Variants in ULK4 observed in about 807,000 individuals in gnomAD.
ULK4 encodes inactive serine/threonine-protein kinase ULK4.
Under a neutral mutation model 160.6 loss-of-function variants are expected in ULK4, and 133 were observed. The observed-to-expected ratio is 0.83, with a 90% confidence interval of 0.72 to 0.96. The LOEUF (loss-of-function observed/expected upper bound fraction) is 0.96. Among genes scored for constraint, ULK4 ranks in the 40% least tolerant of loss-of-function variants. The pLI is 0.00. For synonymous variants in ULK4, 534 were observed against 539.8 expected (o/e 0.99, Z 0.15); for missense variants, 1,580 against 1,499.5 (o/e 1.05, Z -0.89).
intron 35 of ULK4, among the ~76,000 whole-genome samples, chr3:41,302,495 A>T (rs567463059): frequency 6.6e-6 from 1 of 152,320 alleles, no homozygotes; most frequent in Non-Finnish European, 1.5e-5. Flanking sequence ...GGGAATGAGG[A>T]GTGACAGATT....
chr3:41,951,603 G>T (rs928572415), intron 2 of ULK4, among the ~76,000 whole-genome samples: 2 of 152,200 alleles, frequency 1.3e-5, no homozygotes, highest in African/African-American at 4.8e-5. Context: ...GGAAAGGGCA[G>T]TCTTTTCAAC....
chr3:41,459,422 C>T (rs2083632817), intron 33 of ULK4, among the ~76,000 whole-genome samples: 1 of 152,110 alleles, frequency 6.6e-6, no homozygotes, highest in African/African-American at 2.4e-5. Flanking sequence ...GCATAACTGT[C>T]AATGGTGCGG....
intron 21 of ULK4, among the ~76,000 whole-genome samples, chr3:41,772,923 A>G (rs1322424407): frequency 6.6e-6 from 1 of 152,202 alleles, no homozygotes; most frequent in African/African-American, 2.4e-5. Flanking sequence ...AACACACACA[A>G]CTCAATCAAC....
At chr3:41,376,153 G>A (rs1575485190) in intron 35 of ULK4, among the ~76,000 whole-genome samples, 1 of 150,328 alleles carries the variant, frequency 6.7e-6, no homozygotes, top group East Asian at 2.1e-4. Flanking sequence ...GAGAGGATGT[G>A]GAGAAATTTA....
intron 34 of ULK4, among the ~76,000 whole-genome samples, chr3:41,410,843 A>C (rs939317823): frequency 6.6e-6 from 1 of 152,214 alleles, no homozygotes; most frequent in African/African-American, 2.4e-5. Flanking sequence ...CAGCATAAGT[A>C]AATGCCATTC....
rs544345466 is a variant in ULK4, at chr3:41,775,399, CT to C, written c.2193+14261del. On this transcript the variant is annotated intron_variant, in intron 21 of 36. Transcript: ENST00000301831. ...AATAATATATATATGGTGACAACTC[CT>C]TTTTTTTTTTTTTATGGTGATGCAG... 5.4e-3 allele frequency among the ~76,000 whole-genome samples: 746 copies of C among 138,762 alleles called. 20 individuals carry two copies. The highest frequency in any genetic ancestry group is 0.013 in the African/African-American group (466 of 36,258). 91.0% of individuals were successfully genotyped at this position (138,762 alleles called of 152,430 possible).
intron 5 of ULK4, among the ~76,000 whole-genome samples, chr3:41,931,538 A>G (rs1286967199): frequency 1.3e-5 from 2 of 151,978 alleles, no homozygotes; most frequent in Non-Finnish European, 2.9e-5. Flanking sequence ...ACTAATTTCT[A>G]TTGAGCCGCT....
chr3:41,722,722 T>C (rs1480080723), intron 22 of ULK4, among the ~76,000 whole-genome samples: 3 of 152,252 alleles, frequency 2.0e-5, no homozygotes, highest in Non-Finnish European at 2.9e-5. Context: ...ATTAAAATTG[T>C]TCTACTCCTT....
chr3:41,516,353 T>C (rs1389987720), intron 32 of ULK4, among the ~76,000 whole-genome samples: 2 of 152,176 alleles, frequency 1.3e-5, no homozygotes, highest in Non-Finnish European at 2.9e-5. Flanking sequence ...AAATTTACTT[T>C]TCAGCTATTA....
chr3:41,820,569 T>C (rs966623472), intron 18 of ULK4, among the ~76,000 whole-genome samples: 1 of 152,060 alleles, frequency 6.6e-6, no homozygotes, highest in Non-Finnish European at 1.5e-5. Context: ...TTGTGAGAAC[T>C]AAACATGAAT....
Position 41,754,391 on chromosome 3 carries a change from C to T in ULK4, c.2291G>A (p.Arg764His), listed in dbSNP as rs769852192. Residue 764 changes from arginine (R) to histidine (H), a missense_variant, in exon 22 of 37, where the codon CGT becomes CAT. Transcript: ENST00000301831. ...LVLLYILIYN[R>H]EMLLLSCQAR... The stretch of plus-strand genomic sequence containing the variant: ...TTGGCAACTGAGCAGCAACATCTCA[C>T]GGTTATAAATCAAAATATATAGAAG... 1.6e-5 allele frequency: 26 copies of T among 1,612,460 alleles called. No individual in the cohort carries two copies. Among genetic ancestry groups the T allele is most frequent in the Middle Eastern group, 1.7e-4 (1 of 6,058 alleles).
chr3:41,941,162 G>C (rs535395755), intron 2 of ULK4, among the ~76,000 whole-genome samples: 30 of 150,100 alleles, frequency 2.0e-4, no homozygotes, highest in Non-Finnish European at 3.7e-4. Flanking sequence ...TCAGCCTCCA[G>C]AGTAGTGGGG....
At chr3:41,811,221 G>C (rs1276301195) in intron 19 of ULK4, among the ~76,000 whole-genome samples, 1 of 150,232 alleles carries the variant, frequency 6.7e-6, no homozygotes, top group Non-Finnish European at 1.5e-5. Context: ...ATTAGAGATG[G>C]AGTCTCACCC....
At chr3:41,520,161 A>G (rs1021032100) in intron 32 of ULK4, among the ~76,000 whole-genome samples, 7 of 152,068 alleles carry the variant, frequency 4.6e-5, no homozygotes, top group Non-Finnish European at 7.4e-5. Context: ...TCTCCAGAAC[A>G]TTTTCATCAT....
chr3:41,313,098 G>A (rs2080081982), intron 35 of ULK4, among the ~76,000 whole-genome samples: 1 of 152,112 alleles, frequency 6.6e-6, no homozygotes, highest in Non-Finnish European at 1.5e-5. Flanking sequence ...ACAAACCTTT[G>A]GAAAGGTTTC....
chr3:41,362,907 C>G (rs1225351646), intron 35 of ULK4, among the ~76,000 whole-genome samples: 1 of 152,254 alleles, frequency 6.6e-6, no homozygotes, highest in Non-Finnish European at 1.5e-5. Context: ...ACCAAGAGAG[C>G]AGAGCCCTGA....
chr3:41,362,289 A>AT (rs550686024), intron 35 of ULK4, among the ~76,000 whole-genome samples: 3 of 152,046 alleles, frequency 2.0e-5, no homozygotes, highest in African/African-American at 7.2e-5. Context: ...TTATTCTGGA[A>AT]TTTTTTTTAG....
intron 32 of ULK4, among the ~76,000 whole-genome samples, chr3:41,493,979 C>T (rs1275221118): frequency 1.3e-5 from 2 of 149,084 alleles, no homozygotes; most frequent in East Asian, 3.9e-4. Context: ...GATGGATTCA[C>T]AGCCGAATTC....
chr3:41,593,710 G>C (rs2125649476), intron 31 of ULK4, among the ~76,000 whole-genome samples: 1 of 152,132 alleles, frequency 6.6e-6, no homozygotes, highest in Admixed American at 6.5e-5. Flanking sequence ...ATACAATGAT[G>C]ATCTAAATGT....
Sources: allele counts gnomAD v4.1 joint callset (sites outside exome capture counted in the v4.1 genomes callset), GRCh38; gene constraint gnomAD v4.1.1; transcripts MANE v1.5; gene names NCBI Gene and HGNC (gene_info 2026-07-23, HGNC 2026-07-21).